TM7SF2: variants seen among roughly 807,000 people sequenced by gnomAD.
TM7SF2 encodes transmembrane 7 superfamily member 2.
TM7SF2 carries 51 observed loss-of-function variants against 51.0 expected under a neutral mutation model. The observed-to-expected ratio is 1.00, with a 90% CI of 0.80 to 1.26. The LOEUF (loss-of-function observed/expected upper bound fraction) is 1.26. Ranked by LOEUF, TM7SF2 falls within the 50% of genes most tolerant of loss-of-function variation. The pLI, the probability that TM7SF2 is intolerant of heterozygous loss-of-function variation, is 0.00. For synonymous variants in TM7SF2, 255 were observed against 241.0 expected (o/e 1.06, Z -0.54); for missense variants, 541 against 547.4 (o/e 0.99, Z 0.12).
Position 65,111,971 on chromosome 11 carries a change from G to A in TM7SF2, c.-45G>A, listed in dbSNP as rs1368316026. ...GAAATGGGGCGGACAGTGTTTCCTTGACTGACTATTGTGAGCGCCCTCTCT... is the reference window on the plus strand; with the variant it reads ...GAAATGGGGCGGACAGTGTTTCCTTAACTGACTATTGTGAGCGCCCTCTCT... On this transcript the variant is annotated 5_prime_UTR_variant, in exon 1 of 10. It removes the in-frame stop codon of an upstream open reading frame in the 5' UTR. Transcript: ENST00000279263. 6.4e-7 allele frequency: 1 copy of A among 1,555,788 alleles called. No homozygotes were observed. The highest frequency in any genetic ancestry group is 8.7e-7 in the Non-Finnish European group (1 of 1,147,794).
intron 1 of TM7SF2, 193 bp downstream of exon 1, chr11:65,112,260 A>G: frequency 3.0e-6 from 2 of 673,530 alleles, no homozygotes; most frequent in Non-Finnish European, 4.9e-6. Context: ...GGGGCTGCAG[A>G]ACGGGGATTT....
rs777690598 is a variant in TM7SF2 at position 65,116,078 on chromosome 11, G to A, written c.*25G>A. 6 of 1,593,442 alleles carry A rather than the reference G, an allele frequency of 3.8e-6. No individual in the cohort carries two copies. In the East Asian group the frequency reaches 1.3e-4, roughly 36 times the overall value. ...AAGCGGCTCCACCACCCCAGGTGGGGGCATGTGCCCACTCATCCACCAGCA... is the reference window on the plus strand; with the variant it reads ...AAGCGGCTCCACCACCCCAGGTGGGAGCATGTGCCCACTCATCCACCAGCA... On this transcript the variant is annotated 3_prime_UTR_variant, in exon 10 of 10. Coordinates refer to ENST00000279263, the MANE Select transcript of TM7SF2 (RefSeq NM_003273.6).
At chr11:65,115,254 G>A (rs1158300853) in intron 7 of TM7SF2, 60 bp from the exon 8 acceptor site, 32 of 1,601,016 alleles carry the variant, frequency 2.0e-5, no homozygotes, top group Non-Finnish European at 2.3e-5. Flanking sequence ...GCAGATGTTC[G>A]GGGTCAGGCA....
chr11:65,114,532 C>G, intron 5 of TM7SF2, 181 bp from the exon 6 acceptor site: 1 of 713,748 alleles, frequency 1.4e-6, no homozygotes, highest in Non-Finnish European at 2.3e-6. Flanking sequence ...TTAGGACAGA[C>G]AAGGCAAGAA....
chr11:65,114,618 A>T, intron 5 of TM7SF2, 95 bp from the exon 6 acceptor site: 2 of 1,444,140 alleles, frequency 1.4e-6, no homozygotes, highest in Non-Finnish European at 1.9e-6. Flanking sequence ...TAAGAGCTGG[A>T]GTGTAACTGA....
rs771706431 is a variant in TM7SF2 at position 65,115,386 on chromosome 11, G to T, written c.965G>T (p.Arg322Ile). The change falls in exon 8 of 10, where the codon AGA becomes ATA. Residue 322 changes from arginine to isoleucine, a missense_variant. By Grantham distance (97) the Arg-to-Ile change is moderately conservative. Transcript: ENST00000279263. ...NTFRKNPSDP[R>I]VAGLETISTA... is the part of the protein sequence containing the mutation. ...TTCCGAAAGAATCCTTCTGACCCCA[G>T]AGTGGCTGGTGAGCTGGTTCTCTAG... 1.3e-5 allele frequency: 21 copies of T among 1,614,198 alleles called. No homozygotes were observed. The highest frequency in any genetic ancestry group is 1.7e-5 in the Non-Finnish European group (20 of 1,180,028).
At chr11:65,113,194 A>G (rs1278214508) in intron 3 of TM7SF2, 26 bp from the exon 4 acceptor site, 1 of 1,562,202 alleles carries the variant, frequency 6.4e-7, no homozygotes, top group Non-Finnish European at 8.6e-7. Context: ...GCGCAGCCCC[A>G]GGGCTCACTG....
intron 5 of TM7SF2, 189 bp downstream of exon 5, chr11:65,113,783 A>G (rs1483523643): frequency 6.5e-6 from 4 of 613,760 alleles, no homozygotes; most frequent in African/African-American, 1.8e-5. Context: ...GCAAAAAAGC[A>G]TCTTTGCTGC....
intron 5 of TM7SF2, among the ~76,000 whole-genome samples, chr11:65,114,230 A>G (rs757713564): frequency 6.6e-6 from 1 of 152,194 alleles, no homozygotes; most frequent in Non-Finnish European, 1.5e-5. Context: ...ATTACTGGGA[A>G]GATTAGAAGA....
chr11:65,112,361 C>A, intron 1 of TM7SF2, 154 bp from the exon 2 acceptor site: 1 of 872,836 alleles, frequency 1.1e-6, no homozygotes, highest in Non-Finnish European at 1.7e-6. Context: ...TGGGAGGCAG[C>A]GGGGTGCCTG....
At chr11:65,113,126 C>T (rs1400157156) in intron 3 of TM7SF2, 94 bp from the exon 4 acceptor site, 2 of 1,347,278 alleles carry the variant, frequency 1.5e-6, no homozygotes, top group South Asian at 1.5e-5. Context: ...GGGGCAGGGT[C>T]TGTGGCCCCC....
intron 2 of TM7SF2, 34 bp from the exon 3 acceptor site, chr11:65,112,777 C>T: frequency 6.5e-7 from 1 of 1,550,078 alleles, no homozygotes; most frequent in South Asian, 1.2e-5. Flanking sequence ...GAAAGGACGC[C>T]CCGGGCCTTA....
Position 65,112,644 on chromosome 11 carries a change from G to C in TM7SF2, c.182G>C (p.Arg61Pro), listed in dbSNP as rs1363187058. 1 of 1,536,862 alleles carries C rather than the reference G, an allele frequency of 6.5e-7. No individual in the cohort carries two copies. The highest frequency in any genetic ancestry group is 1.4e-5 in the African/African-American group (1 of 72,302). ...LPGLEVLWSPRALLLWLAWLG... is the reference protein window; with the variant it reads ...LPGLEVLWSPPALLLWLAWLG... ...GGGCTGGAGGTGCTGTGGAGCCCAC[G>C]GGCGCTGCTGCTGTGGCTCGCCTGG... Residue 61 changes from arginine (R) to proline (P), a missense_variant, in exon 2 of 10, where the codon CGG (arginine) becomes CCG (proline). Transcript: ENST00000279263.
Position 65,112,524 on chromosome 11 carries a change from C to A in TM7SF2, c.62C>A (p.Ala21Asp). The change falls in exon 2 of 10, where the codon GCT becomes GAT. Residue 21 changes from alanine (A) to aspartate (D), a missense_variant. Transcript: ENST00000279263. ...LEFGGPLGAA[A>D]LLLLLPATMF... ...ATGGCCCTTCCCGCAGGCGCCGCGG[C>A]TCTGCTACTGCTGCTGCCCGCCACC... is the stretch of plus-strand genomic sequence containing the variant. 1 of 1,526,000 alleles carries A rather than the reference C, an allele frequency of 6.6e-7. No individual in the cohort carries two copies. The highest frequency in any genetic ancestry group is 8.7e-7 in the Non-Finnish European group (1 of 1,145,890). The allele number at this position is 1,526,000 out of a possible 1,614,324, so 94.5% of individuals were successfully genotyped here. A position where few individuals can be genotyped will look rare whatever the true frequency, so the allele number is the denominator to read the frequency against.
chr11:65,114,772 G>A lies in TM7SF2; in HGVS notation c.663G>A (p.Leu221=). The stretch of plus-strand genomic sequence containing the variant: ...CAGAGCTTCGAGGCAGTCCCTCACT[G>A]GCCATGTGGCTGGTCAATGGCTTCC... The part of the protein sequence containing the change: ...KEAELRGSPS[L]AMWLVNGFQL... The change falls in exon 6 of 10, where the codon CTG becomes CTA. Residue 221 remains leucine, a synonymous_variant. Coordinates refer to ENST00000279263, the MANE Select transcript of TM7SF2 (RefSeq NM_003273.6). 1.9e-6 allele frequency: 3 copies of A among 1,614,246 alleles called. No individual in the cohort carries two copies. Among genetic ancestry groups the A allele is most frequent in the Non-Finnish European group, 2.5e-6 (3 of 1,180,042 alleles).
intron 1 of TM7SF2, 58 bp downstream of exon 1, chr11:65,112,125 G>A (rs778263687): frequency 1.3e-6 from 2 of 1,528,706 alleles, no homozygotes; most frequent in Non-Finnish European, 1.8e-6. Flanking sequence ...GAGCTGGAGC[G>A]GGTGAACTAA....
At chr11:65,112,139 C>G in intron 1 of TM7SF2, 72 bp downstream of exon 1, 1 of 1,463,100 alleles carries the variant, frequency 6.8e-7, no homozygotes, top group South Asian at 1.2e-5. Flanking sequence ...GAACTAAGAG[C>G]GGGGGCGAGA....
chr11:65,113,618 GCC>G (rs777289723), intron 5 of TM7SF2, 24 bp downstream of exon 5: 5 of 1,605,972 alleles, frequency 3.1e-6, no homozygotes, highest in Non-Finnish European at 4.3e-6. Flanking sequence ...GACTGAGCTG[GCC>G]TCAGGCCAGG....
chr11:65,112,488 C>G, intron 1 of TM7SF2, 27 bp from the exon 2 acceptor site: 1 of 1,502,906 alleles, frequency 6.7e-7, no homozygotes, highest in Non-Finnish European at 8.8e-7. Context: ...TAGGGGCGGA[C>G]GCCCGACGTG....
Sources: allele counts gnomAD v4.1 joint callset (sites outside exome capture counted in the v4.1 genomes callset), GRCh38; gene constraint gnomAD v4.1.1; transcripts MANE v1.5; gene names NCBI Gene and HGNC (gene_info 2026-07-23, HGNC 2026-07-21).